The following TBC1D22A variants were observed in gnomAD, a reference collection of about 807,000 sequenced individuals.
The protein encoded by TBC1D22A is TBC1 domain family member 22A.
In TBC1D22A, 38 loss-of-function variants were observed where a neutral mutation model predicts 60.2. The ratio of observed to expected loss-of-function variants is 0.63; its 90% CI spans 0.49 to 0.83. The LOEUF (loss-of-function observed/expected upper bound fraction) is 0.83. TBC1D22A is among the 40% of genes least tolerant of loss of function. The pLI, the probability that TBC1D22A is intolerant of heterozygous loss-of-function variation, is 0.00. For synonymous variants in TBC1D22A, 302 were observed against 281.7 expected, an observed-to-expected ratio of 1.07 and a Z score of -0.72; for missense variants, 628 against 701.0, an observed-to-expected ratio of 0.90 and a Z score of 1.18.
chr22:47,115,783 C>G (rs1489752296), intron 12 of TBC1D22A: 3 of 152,256 alleles, frequency 2.0e-5, no homozygotes, highest in African/African-American at 7.2e-5. Context: ...ATGTCATGAC[C>G]CACGCGGAAA....
chr22:46,884,529 C>A (rs953029066), intron 5 of TBC1D22A, among the ~76,000 whole-genome samples: 1 of 152,300 alleles, frequency 6.6e-6, no homozygotes, highest in East Asian at 1.9e-4. Flanking sequence ...TGTGGAAAGG[C>A]GGCTGCTGGC....
At chr22:47,008,733 G>A (rs2061661216) in intron 10 of TBC1D22A, among the ~76,000 whole-genome samples, 1 of 152,220 alleles carries the variant, frequency 6.6e-6, no homozygotes, top group African/African-American at 2.4e-5. Context: ...CCCTTGGAGT[G>A]AGGCCTGGGT....
intron 5 of TBC1D22A, among the ~76,000 whole-genome samples, chr22:46,886,101 G>T (rs370466355): frequency 1.3e-5 from 2 of 151,892 alleles, no homozygotes; most frequent in Non-Finnish European, 2.9e-5. Flanking sequence ...TATTTTCACC[G>T]TGTTAGCCAG....
chr22:46,842,088 G>A (rs1020473346), intron 4 of TBC1D22A, among the ~76,000 whole-genome samples: 1 of 152,096 alleles, frequency 6.6e-6, no homozygotes, highest in Non-Finnish European at 1.5e-5. Flanking sequence ...AAGGATAGAT[G>A]GGTTTGTAAG....
intron 8 of TBC1D22A, among the ~76,000 whole-genome samples, chr22:46,939,773 G>A (rs912671203): frequency 2.0e-5 from 3 of 152,192 alleles, no homozygotes; most frequent in Non-Finnish European, 2.9e-5. Flanking sequence ...AGCTAAAACC[G>A]ATTAGAGATG....
intron 4 of TBC1D22A, among the ~76,000 whole-genome samples, chr22:46,843,376 C>T (rs1193222128): frequency 6.6e-6 from 1 of 152,104 alleles, no homozygotes; most frequent in East Asian, 1.9e-4. Context: ...ACAGTGGCTG[C>T]CCGGCCGGTG....
At chr22:47,049,877 A>G (rs131918) in intron 11 of TBC1D22A, among the ~76,000 whole-genome samples, 104,846 of 152,198 alleles carry the variant, frequency 0.69, 36,666 homozygotes, top group East Asian at 0.92. Context: ...AGTCCCGTAA[A>G]AGAGGTGTTC....
Position 46,941,879 on chromosome 22 carries a change from ATATG to A in TBC1D22A, c.1015+29695_1015+29698del, listed in dbSNP as rs1390037025. Among the ~76,000 whole-genome samples the A allele has an allele frequency of 4.1e-5, 6 of 147,502 alleles. No individual in the cohort carries two copies. The South Asian group carries it at 1.3e-3, about 31-fold the overall frequency. ...TATGTATAGAATATATGTGTATAGA[ATATG>A]TATAGAATATATGTATATAGAATAT... is the stretch of plus-strand genomic sequence containing the variant. On this transcript the variant is annotated intron_variant, in intron 8 of 12. Coordinates refer to ENST00000337137, the MANE Select transcript of TBC1D22A (RefSeq NM_014346.5).
chr22:46,943,058 C>A (rs1052350391), intron 8 of TBC1D22A, among the ~76,000 whole-genome samples: 1 of 152,048 alleles, frequency 6.6e-6, no homozygotes, highest in Non-Finnish European at 1.5e-5. Flanking sequence ...AGGAAAATGG[C>A]GTTGAACAGG....
chr22:47,013,216 C>G (rs190796524), intron 10 of TBC1D22A, among the ~76,000 whole-genome samples: 229 of 152,104 alleles, frequency 1.5e-3, no homozygotes, highest in Non-Finnish European at 2.6e-3. Flanking sequence ...TTTAGCTGCT[C>G]AAGTGTGGAG....
At chr22:47,060,372 G>A (rs1382885960) in intron 11 of TBC1D22A, among the ~76,000 whole-genome samples, 1 of 151,314 alleles carries the variant, frequency 6.6e-6, no homozygotes, top group Non-Finnish European at 1.5e-5. Flanking sequence ...CTCCCAAGTA[G>A]TTGGGATTAC....
At chr22:46,825,165 A>G (rs1237867566) in intron 4 of TBC1D22A, among the ~76,000 whole-genome samples, 3 of 152,160 alleles carry the variant, frequency 2.0e-5, no homozygotes, top group Non-Finnish European at 4.4e-5. Context: ...TGTCAGGGAT[A>G]ATGTAATAGT....
Position 46,958,118 on chromosome 22 carries a change from C to T in TBC1D22A, c.1016-16172C>T, listed in dbSNP as rs1602664607. Among the ~76,000 whole-genome samples, 4 of 152,218 alleles carry T rather than the reference C, an allele frequency of 2.6e-5. No homozygotes were observed. In the East Asian group the frequency reaches 7.7e-4, roughly 29 times the overall value. On this transcript the variant is annotated intron_variant, in intron 8 of 12. Transcript: ENST00000337137. ...GGAGCAGTTACAGTGTTGAGTGTGG[C>T]TCTCATCAGGGAGCCCTGAGGGCTT...
At chr22:47,010,343 G>A (rs952223123) in intron 10 of TBC1D22A, among the ~76,000 whole-genome samples, 9 of 139,326 alleles carry the variant, frequency 6.5e-5, no homozygotes, top group Admixed American at 2.1e-4. Context: ...CCCTCCCCCT[G>A]GCTCTCGTCC....
At chr22:47,113,709 G>A (rs1569454659) in intron 12 of TBC1D22A, among the ~76,000 whole-genome samples, 1 of 152,208 alleles carries the variant, frequency 6.6e-6, no homozygotes, top group Non-Finnish European at 1.5e-5. Context: ...GTGGCTCGAG[G>A]CAGACCAGAC....
At chr22:47,143,178 G>A (rs192479491) in intron 12 of TBC1D22A, among the ~76,000 whole-genome samples, 7 of 152,256 alleles carry the variant, frequency 4.6e-5, no homozygotes, top group African/African-American at 1.7e-4. Context: ...GAATCATCCA[G>A]GTGGATCGGT....
intron 8 of TBC1D22A, among the ~76,000 whole-genome samples, chr22:46,944,864 G>A (rs546643795): frequency 6.6e-6 from 1 of 152,330 alleles, no homozygotes; most frequent in Non-Finnish European, 1.5e-5. Flanking sequence ...CCTTAAAGAT[G>A]AGTGTGAAAA....
At chr22:46,845,675 C>T (rs926814098) in intron 4 of TBC1D22A, among the ~76,000 whole-genome samples, 7 of 152,100 alleles carry the variant, frequency 4.6e-5, no homozygotes, top group Admixed American at 2.0e-4. Flanking sequence ...CTTCATGTAG[C>T]GATTTACAGT....
At chr22:47,019,202 C>A (rs1255330942) in intron 10 of TBC1D22A, among the ~76,000 whole-genome samples, 1 of 152,242 alleles carries the variant, frequency 6.6e-6, no homozygotes, top group African/African-American at 2.4e-5. Context: ...GAGCGGGCAG[C>A]ACCCCTCCAC....
Sources: allele counts gnomAD v4.1 joint callset (sites outside exome capture counted in the v4.1 genomes callset), GRCh38; gene constraint gnomAD v4.1.1; transcripts MANE v1.5; gene names NCBI Gene and HGNC (gene_info 2026-07-23, HGNC 2026-07-21).